TSNAX: variants seen among roughly 807,000 people sequenced by gnomAD.
TSNAX encodes translin-associated protein X.
A neutral mutation model predicts 33.0 loss-of-function variants in TSNAX; 12 were observed. The ratio of observed to expected loss-of-function variants is 0.36; its 90% CI spans 0.23 to 0.59. The LOEUF is 0.59. Among genes scored for constraint, TSNAX ranks in the 20% least tolerant of loss-of-function variants. TSNAX has a pLI of 0.74. For missense variants in TSNAX, 267 were observed against 341.3 expected, an observed-to-expected ratio of 0.78 and a Z score of 1.72; for synonymous variants, 110 against 117.2, an observed-to-expected ratio of 0.94 and a Z score of 0.40.
intron 4 of TSNAX, among the ~76,000 whole-genome samples, chr1:231,558,096 G>C (rs1660805068): frequency 6.6e-6 from 1 of 152,124 alleles, no homozygotes; most frequent in Non-Finnish European, 1.5e-5. Flanking sequence ...CCATGCTGGA[G>C]AGGGTGGGCA....
At chr1:231,531,982 G>GGACT (rs1216104790) in intron 2 of TSNAX, among the ~76,000 whole-genome samples, 2 of 151,762 alleles carry the variant, frequency 1.3e-5, no homozygotes, top group African/African-American at 4.8e-5. Context: ...TGGGGCAGGA[G>GGACT]GACTGCTTCA....
chr1:231,553,188 G>A (rs180804637), intron 4 of TSNAX, among the ~76,000 whole-genome samples: 3 of 152,322 alleles, frequency 2.0e-5, no homozygotes. Flanking sequence ...GTTGAGTCAT[G>A]TGAGGTTCAA....
At chr1:231,529,875 A>G (rs1191947948) in intron 2 of TSNAX, among the ~76,000 whole-genome samples, 1 of 152,224 alleles carries the variant, frequency 6.6e-6, no homozygotes, top group Admixed American at 6.5e-5. Flanking sequence ...CAAACACAAA[A>G]CAAAATCCTC....
At chr1:231,548,091 C>G (rs1660061966) in intron 4 of TSNAX, among the ~76,000 whole-genome samples, 1 of 152,080 alleles carries the variant, frequency 6.6e-6, no homozygotes, top group South Asian at 2.1e-4. Context: ...CCTTGGCCTC[C>G]CAAAGTGCTG....
At position 231,542,748 on chromosome 1, in the gene TSNAX, A is replaced by G. The variant is rs11803248; in HGVS notation, c.367+137A>G. On this transcript the variant is annotated intron_variant, in intron 4 of 5. Transcript: ENST00000366639. ...TTTAAAGAACTGCAACTTTGTAGTA[A>G]TATAGAAGTAATCCAAAGGCAAGTT... 296 of 1,039,958 alleles carry G rather than the reference A, an allele frequency of 2.8e-4. 1 individual carries two copies. The African/African-American group carries it at 4.3e-3, about 15-fold the overall frequency. 64.4% of individuals were successfully genotyped at this position (1,039,958 alleles called of 1,614,324 possible). A position where few individuals can be genotyped will look rare whatever the true frequency, so the allele number is the denominator to read the frequency against.
chr1:231,542,500 A>G lies in TSNAX; in HGVS notation c.256A>G (p.Ile86Val), dbSNP rs1316664309. The change falls in exon 4 of 6, where the codon ATA (isoleucine) becomes GTA (valine). Residue 86 changes from isoleucine to valine, a missense_variant. Physicochemically the swap from Ile to Val is conservative, Grantham distance 29. Coordinates refer to ENST00000366639, the MANE Select transcript of TSNAX (RefSeq NM_005999.3). ...RITSAPDMED[I>V]LTESEIKLDG... ...TCATAGTGCTCCTGATATGGAAGAT[A>G]TATTGACTGAATCAGAAATTAAATT... 6.2e-7 allele frequency: 1 copy of G among 1,614,044 alleles called. No homozygotes were observed. Among genetic ancestry groups the G allele is most frequent in the Non-Finnish European group, 8.5e-7 (1 of 1,179,960 alleles).
chr1:231,549,257 A>G (rs900712129), intron 4 of TSNAX, among the ~76,000 whole-genome samples: 4 of 152,156 alleles, frequency 2.6e-5, no homozygotes, highest in Non-Finnish European at 5.9e-5. Context: ...CAGCCTGACC[A>G]AAGTGATGAA....
chr1:231,534,237 G>A (rs1055779191), intron 2 of TSNAX: 3 of 152,070 alleles, frequency 2.0e-5, no homozygotes, highest in African/African-American at 7.2e-5. Flanking sequence ...TCTTTTTGGG[G>A]GTATTGCAAG....
At chr1:231,555,099 A>G (rs1219316351) in intron 4 of TSNAX, among the ~76,000 whole-genome samples, 3 of 152,222 alleles carry the variant, frequency 2.0e-5, no homozygotes, top group Non-Finnish European at 2.9e-5. Flanking sequence ...TTGAACAGGT[A>G]TGAATAGTCA....
chr1:231,530,802 C>T (rs1036858968), intron 2 of TSNAX, among the ~76,000 whole-genome samples: 19 of 150,582 alleles, frequency 1.3e-4, no homozygotes, highest in Non-Finnish European at 2.4e-4. Context: ...GCAGGAGAAT[C>T]GCTTGAACCC....
At chr1:231,556,358 T>C (rs567286660) in intron 4 of TSNAX, among the ~76,000 whole-genome samples, 1 of 152,018 alleles carries the variant, frequency 6.6e-6, no homozygotes, top group South Asian at 2.1e-4. Flanking sequence ...TCCACTGAAA[T>C]ATGAAAAAAA....
chr1:231,551,724 T>TG (rs2124925408), intron 4 of TSNAX, among the ~76,000 whole-genome samples: 1 of 151,320 alleles, frequency 6.6e-6, no homozygotes, highest in Admixed American at 6.6e-5. Flanking sequence ...TCCCAGCACT[T>TG]TGGGAGGTCA....
intron 4 of TSNAX, among the ~76,000 whole-genome samples, chr1:231,557,599 A>G (rs1660774925): frequency 6.6e-6 from 1 of 152,150 alleles, no homozygotes; most frequent in South Asian, 2.1e-4. Flanking sequence ...GCAATAGTTG[A>G]GAGGAAATAT....
chr1:231,534,321 A>AAAT (rs962522611), intron 2 of TSNAX: 59 of 152,328 alleles, frequency 3.9e-4, no homozygotes, highest in African/African-American at 1.3e-3. Flanking sequence ...AGAGAGTCTT[A>AAAT]AAAACTAAAG....
intron 4 of TSNAX, among the ~76,000 whole-genome samples, chr1:231,554,911 A>T (rs1232471207): frequency 2.6e-5 from 4 of 152,208 alleles, no homozygotes; most frequent in African/African-American, 9.6e-5. Context: ...CAATTTGTTC[A>T]TTAAGGATAG....
chr1:231,564,541 C>A lies in TSNAX; in HGVS notation c.509C>A (p.Ala170Glu). 6.2e-7 allele frequency: 1 copy of A among 1,611,888 alleles called. No individual in the cohort carries two copies. Among genetic ancestry groups the A allele is most frequent in the Non-Finnish European group, 8.5e-7 (1 of 1,178,344 alleles). ...TTTTTTTACCAGCCCTCCTCTGATG[C>A]ACAGGATAAGCAGTTTGGTACTTGG... ...GKENKTPSSD[A>E]QDKQFGTWRL... Residue 170 changes from alanine to glutamate, a missense_variant, in exon 6 of 6, where the codon GCA becomes GAA. Transcript: ENST00000366639.
At chr1:231,549,820 T>A (rs1178594546) in intron 4 of TSNAX, among the ~76,000 whole-genome samples, 1 of 152,188 alleles carries the variant, frequency 6.6e-6, no homozygotes, top group Non-Finnish European at 1.5e-5. Context: ...GTGCACCGAT[T>A]CCAAGATACT....
intron 2 of TSNAX, among the ~76,000 whole-genome samples, chr1:231,530,951 A>G (rs1449458190): frequency 5.6e-5 from 8 of 142,916 alleles, no homozygotes; most frequent in Admixed American, 5.1e-4. Context: ...GCTGAACTAC[A>G]GTTTTTTGGT....
chr1:231,529,612 T>C (rs1658523213), intron 2 of TSNAX, among the ~76,000 whole-genome samples: 2 of 152,238 alleles, frequency 1.3e-5, no homozygotes, highest in South Asian at 4.1e-4. Context: ...ATTTGACATG[T>C]CACATACTCA....
Sources: gnomAD v4.1 joint callset for allele counts (sites outside exome capture counted in the v4.1 genomes callset) on GRCh38, gnomAD v4.1.1 for gene constraint, MANE v1.5 for transcripts, NCBI Gene and HGNC (gene_info 2026-07-23, HGNC 2026-07-21) for gene names.